The following KLHL15 variants were observed in gnomAD, a reference collection of about 807,000 sequenced individuals.
KLHL15 encodes the protein kelch like family member 15.
Under a neutral mutation model 29.3 loss-of-function variants are expected in KLHL15, and 1 was observed. That is an observed-to-expected ratio of 0.03 (90% confidence interval 0.01 to 0.16). The LOEUF is 0.16. Among genes scored for constraint, KLHL15 ranks in the 10% least tolerant of loss-of-function variants. KLHL15 has a pLI of 1.00. For synonymous variants in KLHL15, 212 were observed against 184.5 expected (o/e 1.15, Z -1.21); for missense variants, 215 against 478.5 (o/e 0.45, Z 5.14).
chrX:24,004,649 G>T (rs780689842), intron 3 of KLHL15, among the ~76,000 whole-genome samples: 1 of 109,833 alleles, frequency 9.1e-6, no homozygotes, highest in South Asian at 3.9e-4. Flanking sequence ...AATTAGCCAG[G>T]CACAGTGGCT....
intron 3 of KLHL15, among the ~76,000 whole-genome samples, chrX:23,991,838 C>T (rs910127062): frequency 2.9e-4 from 32 of 111,370 alleles, no homozygotes; most frequent in Admixed American, 6.7e-4. Context: ...GACTCCATCT[C>T]GAAAAAACAA....
Position 23,988,944 on chromosome X carries a change from C to T in KLHL15, c.792G>A (p.Gln264=). ...TTGACTTCATATCCAACAAAGGCTG[C>T]TGGTGAACATTCTGAAAGTAATTCA... ...QALNYFQNVH[Q]QPLLDMKSSR... is the part of the protein sequence containing the mutation. The change falls in exon 4 of 4, where the codon CAG becomes CAA. Residue 264 remains glutamine, a synonymous_variant. Transcript: ENST00000328046. 2.5e-6 allele frequency: 3 copies of T among 1,211,574 alleles called. No homozygotes were observed. Among genetic ancestry groups the T allele is most frequent in the Non-Finnish European group, 3.4e-6 (3 of 895,317 alleles).
intron 2 of KLHL15, among the ~76,000 whole-genome samples, chrX:24,015,551 C>G (rs772605104): frequency 4.4e-4 from 49 of 112,446 alleles, no homozygotes; most frequent in African/African-American, 1.4e-3. Flanking sequence ...GTGAAACACT[C>G]AGTGATTAAG....
chrX:24,020,338 C>A (rs1929777919), intron 2 of KLHL15, among the ~76,000 whole-genome samples: 1 of 112,306 alleles, frequency 8.9e-6, no homozygotes, highest in Non-Finnish European at 1.9e-5. Flanking sequence ...TCACTTTACT[C>A]TCAATACACT....
intron 3 of KLHL15, among the ~76,000 whole-genome samples, chrX:23,996,919 G>A (rs113966222): frequency 0.015 from 1,637 of 112,140 alleles, 20 homozygotes; most frequent in South Asian, 0.056. Flanking sequence ...TAATGACCAA[G>A]GATAAAGCTA....
At position 23,989,034 on chromosome X, in the gene KLHL15, A is replaced by G. The variant is rs5925972; in HGVS notation, c.706-4T>C. 0.2 allele frequency: 235,739 copies of G among 1,174,189 alleles called. 18,410 individuals carry two copies. The highest frequency in any genetic ancestry group is 0.53 in the South Asian group (27,658 of 52,640). On this transcript the variant is annotated splice_polypyrimidine_tract_variant and splice_region_variant and intron_variant, in intron 3 of 3. Coordinates refer to ENST00000328046, the MANE Select transcript of KLHL15 (RefSeq NM_030624.3). ...TATAAAATTCTGATGTCTTAACCTA[A>G]GAACACAAGAAAAAGAATTTAACCA...
intron 3 of KLHL15, among the ~76,000 whole-genome samples, chrX:23,991,237 C>T (rs1176076372): frequency 1.9e-5 from 2 of 108,074 alleles, no homozygotes; most frequent in Admixed American, 2.0e-4. Context: ...CATGTAACTC[C>T]AGCTACTCAA....
At chrX:24,012,510 G>C (rs1216518095) in intron 2 of KLHL15, among the ~76,000 whole-genome samples, 1 of 111,521 alleles carries the variant, frequency 9.0e-6, no homozygotes, top group African/African-American at 3.3e-5. Context: ...CTAGGATTCT[G>C]TTCTTGCCTC....
intron 2 of KLHL15, among the ~76,000 whole-genome samples, chrX:24,015,600 T>G (rs1452401219): frequency 1.8e-5 from 2 of 112,508 alleles, no homozygotes; most frequent in African/African-American, 6.5e-5. Context: ...TAGTAGTAAG[T>G]AAGGGTATAG....
intron 2 of KLHL15, among the ~76,000 whole-genome samples, chrX:24,012,352 T>C (rs908992311): frequency 5.4e-5 from 6 of 111,665 alleles, no homozygotes; most frequent in African/African-American, 2.0e-4. Flanking sequence ...CCCTGGATCC[T>C]TCTGTAGCAT....
chrX:24,016,200 C>T (rs1244751522), intron 2 of KLHL15, among the ~76,000 whole-genome samples: 1 of 104,040 alleles, frequency 9.6e-6, no homozygotes, highest in East Asian at 3.0e-4. Flanking sequence ...ATTAGCTGGG[C>T]ATGGTGGCAG....
chrX:24,014,199 G>T (rs1236130340), intron 2 of KLHL15, among the ~76,000 whole-genome samples: 1 of 111,537 alleles, frequency 9.0e-6, no homozygotes, highest in African/African-American at 3.3e-5. Context: ...CCATGATCAT[G>T]CCACTGCTCT....
intron 1 of KLHL15, among the ~76,000 whole-genome samples, chrX:24,025,744 C>A (rs1929919730): frequency 9.1e-6 from 1 of 110,029 alleles, no homozygotes; most frequent in African/African-American, 3.3e-5. Flanking sequence ...GCGGGGAAGG[C>A]TGTCCCGCGC....
intron 3 of KLHL15, among the ~76,000 whole-genome samples, chrX:23,998,297 C>T (rs1306260948): frequency 9.2e-6 from 1 of 108,918 alleles, no homozygotes; most frequent in African/African-American, 3.4e-5. Flanking sequence ...CTTGCTGTTG[C>T]CCAGGCTGGA....
chrX:24,012,561 C>T (rs1390350187), intron 2 of KLHL15, among the ~76,000 whole-genome samples: 1 of 111,964 alleles, frequency 8.9e-6, no homozygotes, highest in Non-Finnish European at 1.9e-5. Context: ...AATGAGCTCA[C>T]CTAATCCATG....
chrX:24,023,462 T>C (rs1406929465), intron 2 of KLHL15, among the ~76,000 whole-genome samples: 1 of 112,251 alleles, frequency 8.9e-6, no homozygotes, highest in Non-Finnish European at 1.9e-5. Flanking sequence ...GGATTATAAA[T>C]TTAATAAAAC....
intron 1 of KLHL15, among the ~76,000 whole-genome samples, chrX:24,025,312 G>C (rs1413955130): frequency 9.2e-6 from 1 of 108,690 alleles, no homozygotes; most frequent in Non-Finnish European, 1.9e-5. Flanking sequence ...GCCGAGCCTC[G>C]GGATCACCCA....
intron 3 of KLHL15, among the ~76,000 whole-genome samples, chrX:24,004,600 G>A (rs759044699): frequency 9.1e-6 from 1 of 109,881 alleles, no homozygotes; most frequent in East Asian, 2.9e-4. Context: ...AGACCAGCCT[G>A]GCCAAGATGA....
chrX:23,996,448 A>G (rs1929191843), intron 3 of KLHL15, among the ~76,000 whole-genome samples: 2 of 111,730 alleles, frequency 1.8e-5, no homozygotes, highest in Admixed American at 1.9e-4. Flanking sequence ...GCGGATCATG[A>G]GGTCAGGAGT....
Sources: allele counts gnomAD v4.1 joint callset (sites outside exome capture counted in the v4.1 genomes callset), GRCh38; gene constraint gnomAD v4.1.1; transcripts MANE v1.5; gene names NCBI Gene and HGNC (gene_info 2026-07-23, HGNC 2026-07-21).